LPIN1: variants seen among roughly 807,000 people sequenced by gnomAD.
The protein encoded by LPIN1 is phosphatidate phosphatase LPIN1.
Under a neutral mutation model 107.5 loss-of-function variants are expected in LPIN1, and 71 were observed. That is an observed-to-expected ratio of 0.66 (90% confidence interval 0.55 to 0.80). The LOEUF is 0.80. Among genes scored for constraint, LPIN1 ranks in the 30% least tolerant of loss-of-function variants. The probability of loss-of-function intolerance (pLI) is 0.00; values close to 1 mark genes in which losing one functional copy is unlikely to be tolerated. For synonymous variants in LPIN1, 445 were observed against 452.6 expected (o/e 0.98, Z 0.21); for missense variants, 1,043 against 1,160.6 (o/e 0.90, Z 1.47).
intron 1 of LPIN1, among the ~76,000 whole-genome samples, chr2:11,752,923 C>G (rs554057026): frequency 1.3e-5 from 2 of 152,170 alleles, no homozygotes; most frequent in South Asian, 4.1e-4. Context: ...CTAATTTAAT[C>G]GTGAGGCAAG....
chr2:11,800,769 T>C (rs1219401389), intron 14 of LPIN1, among the ~76,000 whole-genome samples: 1 of 152,172 alleles, frequency 6.6e-6, no homozygotes, highest in African/African-American at 2.4e-5. Context: ...GATAAAAAGA[T>C]AAAGACAATC....
At chr2:11,725,245 A>C (rs1664509605) in intron 1 of LPIN1, among the ~76,000 whole-genome samples, 1 of 151,886 alleles carries the variant, frequency 6.6e-6, no homozygotes, top group Non-Finnish European at 1.5e-5. Context: ...TGGGGGACAG[A>C]GCGAGACTCC....
At chr2:11,717,974 G>A (rs1289211133) in intron 2 of LPIN1, among the ~76,000 whole-genome samples, 2 of 152,100 alleles carry the variant, frequency 1.3e-5, no homozygotes, top group Non-Finnish European at 2.9e-5. Flanking sequence ...TGCTTTTAGT[G>A]CCTTTATCAC....
chr2:11,739,712 G>A (rs116387806), intron 1 of LPIN1, among the ~76,000 whole-genome samples: 1,730 of 152,256 alleles, frequency 0.011, 15 homozygotes, highest in Non-Finnish European at 0.016. Context: ...ACAATGTCCC[G>A]TGTCCAAACA....
rs532791246 is a variant in LPIN1, at chr2:11,731,384, T to C, written c.-72+6845T>C. On this transcript the variant is annotated intron_variant, in intron 1 of 21. Coordinates refer to the LPIN1 transcript ENST00000396097. ...ATGATGGCTTCCAGCTTCATCCATG[T>C]CCCTGCAAAGGACATGAGCTCATTC... Among the ~76,000 whole-genome samples the C allele has an allele frequency of 2.3e-4, 35 of 152,332 alleles. No individual in the cohort carries two copies. In the South Asian group the frequency reaches 6.8e-3, roughly 30 times the overall value.
rs1663200261 is a variant in LPIN1, at chr2:11,707,722, G to A, written c.82-6034G>A. On this transcript the variant is annotated intron_variant, in intron 1 of 21. Transcript: ENST00000449576. The surrounding 1 kb of genome is among the most constrained non-coding windows in gnomAD (Gnocchi z 4.2). ...GCTTGTGACTGGATGTGGCTTGGGA[G>A]GGGAGAAAGGGAGTGGCTGGGGCCT... Among the ~76,000 whole-genome samples, 1 of 152,192 alleles carries A rather than the reference G, an allele frequency of 6.6e-6. No individual in the cohort carries two copies. The highest frequency in any genetic ancestry group is 2.1e-4 in the South Asian group (1 of 4,832).
At chr2:11,819,180 C>T (rs927304545) in intron 18 of LPIN1, 5 of 352,466 alleles carry the variant, frequency 1.4e-5, no homozygotes, top group African/African-American at 1.1e-4. Context: ...ATGCTAGCCT[C>T]ATCGAATTAA....
chr2:11,743,550 C>T (rs377764869), upstream of LPIN1, among the ~76,000 whole-genome samples: 627 of 152,256 alleles, frequency 4.1e-3, 4 homozygotes, highest in African/African-American at 0.014. This position sits in a 1 kb window ranked among gnomAD's most constrained non-coding sequence, Gnocchi z 4.7. Context: ...TAAGAGAGTG[C>T]GCAGGACAAA....
intron 1 of LPIN1, among the ~76,000 whole-genome samples, chr2:11,752,157 G>A (rs1302123036): frequency 6.6e-6 from 1 of 152,154 alleles, no homozygotes; most frequent in Non-Finnish European, 1.5e-5. Context: ...ATAGTTGCTA[G>A]GGTTTGCCAA....
intron 15 of LPIN1, among the ~76,000 whole-genome samples, chr2:11,804,103 C>G (rs889614574): frequency 6.6e-6 from 1 of 152,130 alleles, no homozygotes; most frequent in Non-Finnish European, 1.5e-5. Context: ...CGTGTAGCCC[C>G]GTCATTGAAT....
rs757007907 is a variant in LPIN1, at chr2:11,779,616, C to A, written c.928C>A (p.Leu310Met). The part of the protein sequence containing the change: ...TGQKNPEMLW[L>M]WGELPQAAKS... Reference sequence around the variant, plus strand: ...GCAGAAGAACCCAGAAATGCTTTGGCTGTGGGGAGAGCTGCCGCAGGCTGC... The same window carrying A: ...GCAGAAGAACCCAGAAATGCTTTGGATGTGGGGAGAGCTGCCGCAGGCTGC... Residue 310 changes from leucine to methionine, a missense_variant, in exon 7 of 21, where the codon CTG (leucine) becomes ATG (methionine). Leu to Met is a conservative substitution (Grantham distance 15, BLOSUM62 2). Transcript: ENST00000674199. 6 of 1,614,128 alleles carry A rather than the reference C, an allele frequency of 3.7e-6. No homozygotes were observed. Among genetic ancestry groups the A allele is most frequent in the Non-Finnish European group, 5.1e-6 (6 of 1,179,992 alleles).
chr2:11,823,639 T>C (rs1681943968), intron 20 of LPIN1, among the ~76,000 whole-genome samples: 1 of 152,210 alleles, frequency 6.6e-6, no homozygotes, highest in Admixed American at 6.5e-5. Context: ...GATCAGTGAC[T>C]GTCAAGGAGG....
chr2:11,808,896 A>T (rs1223132592), intron 17 of LPIN1, among the ~76,000 whole-genome samples: 2 of 150,416 alleles, frequency 1.3e-5, no homozygotes, highest in Non-Finnish European at 3.0e-5. Context: ...AGAGAGAGCG[A>T]GAGAGAGAGA....
At chr2:11,724,832 C>A (rs530284150) in intron 1 of LPIN1, among the ~76,000 whole-genome samples, 1 of 152,182 alleles carries the variant, frequency 6.6e-6, no homozygotes, top group Non-Finnish European at 1.5e-5. Flanking sequence ...TCGCTCTGGG[C>A]TTTTAGACAG....
chr2:11,746,880 G>A (rs1667029352), intron 1 of LPIN1, among the ~76,000 whole-genome samples: 1 of 152,174 alleles, frequency 6.6e-6, no homozygotes, highest in Non-Finnish European at 1.5e-5. Flanking sequence ...AGGCCCCGGA[G>A]GCCGGGAGGG....
intron 1 of LPIN1, among the ~76,000 whole-genome samples, chr2:11,701,901 A>G (rs576565937): frequency 2.0e-5 from 3 of 152,328 alleles, no homozygotes; most frequent in African/African-American, 7.2e-5. Flanking sequence ...TGCTTGTGCT[A>G]AAACTCTTCC....
upstream of LPIN1, chr2:11,723,716 T>C (rs944851995): frequency 1.3e-5 from 2 of 152,158 alleles, no homozygotes; most frequent in African/African-American, 4.8e-5. Flanking sequence ...CCGTGAAAAG[T>C]TTGGGCTCCC....
At chr2:11,785,291 T>A (rs1674356979) in intron 10 of LPIN1, among the ~76,000 whole-genome samples, 1 of 152,136 alleles carries the variant, frequency 6.6e-6, no homozygotes, top group Non-Finnish European at 1.5e-5. Context: ...CGGGCCATCG[T>A]TGTGTGTCTC....
intron 1 of LPIN1, among the ~76,000 whole-genome samples, chr2:11,760,758 G>A (rs1040571510): frequency 6.6e-6 from 1 of 152,134 alleles, no homozygotes; most frequent in Non-Finnish European, 1.5e-5. Context: ...TATGTCTCTC[G>A]CTTTCTTTTT....
Sources: gnomAD v4.1 joint callset for allele counts (sites outside exome capture counted in the v4.1 genomes callset) on GRCh38, gnomAD v4.1.1 for gene constraint, Gnocchi (gnomAD v3.1) non-coding constraint, MANE v1.5 for transcripts, NCBI Gene and HGNC (gene_info 2026-07-23, HGNC 2026-07-21) for gene names.